Variants in NOXRED1 observed in about 807,000 individuals in gnomAD.
NOXRED1 encodes the protein NADP-dependent oxidoreductase domain-containing protein 1.
In NOXRED1, 20 loss-of-function variants were observed where a neutral mutation model predicts 30.4. The observed-to-expected ratio is 0.66, with a 90% CI of 0.46 to 0.96. NOXRED1 has a LOEUF of 0.96. NOXRED1 is among the 40% of genes least tolerant of loss of function. NOXRED1 has a pLI of 0.00. For synonymous variants in NOXRED1, 155 were observed against 168.0 expected (o/e 0.92, Z 0.60); for missense variants, 374 against 428.0 (o/e 0.87, Z 1.11).
intron 2 of NOXRED1, among the ~76,000 whole-genome samples, chr14:77,409,274 G>A (rs998456738): frequency 6.6e-6 from 1 of 152,122 alleles, no homozygotes; most frequent in African/African-American, 2.4e-5. Flanking sequence ...GTTGAGGGAG[G>A]GACCTGGTGT....
At chr14:77,404,615 G>A (rs1263914780) in intron 5 of NOXRED1, among the ~76,000 whole-genome samples, 1 of 151,988 alleles carries the variant, frequency 6.6e-6, no homozygotes, top group Non-Finnish European at 1.5e-5. Context: ...AGTATAGAAT[G>A]AAAAGAAGTA....
intron 2 of NOXRED1, among the ~76,000 whole-genome samples, chr14:77,413,257 TGAGAC>T (rs1343651646): frequency 6.6e-6 from 1 of 151,066 alleles, no homozygotes; most frequent in Non-Finnish European, 1.5e-5. Flanking sequence ...TTTTTTTTTT[TGAGAC>T]GGAGTCTTAC....
chr14:77,413,602 G>C (rs1163634812), intron 2 of NOXRED1, among the ~76,000 whole-genome samples: 1 of 152,014 alleles, frequency 6.6e-6, no homozygotes, highest in Non-Finnish European at 1.5e-5. Flanking sequence ...GCAAATGCCT[G>C]GAACTGTTTA....
chr14:77,396,643 C>T (rs1894196009), intron 5 of NOXRED1, among the ~76,000 whole-genome samples: 1 of 152,094 alleles, frequency 6.6e-6, no homozygotes, highest in Admixed American at 6.6e-5. Flanking sequence ...TATTTATATA[C>T]AATAGTGATA....
intron 5 of NOXRED1, among the ~76,000 whole-genome samples, chr14:77,399,501 A>G (rs1894269887): frequency 6.6e-6 from 1 of 152,226 alleles, no homozygotes. Flanking sequence ...TGGATAAAGT[A>G]GACGGCAGAC....
upstream of NOXRED1, among the ~76,000 whole-genome samples, chr14:77,423,799 CCTT>C (rs989322754): frequency 1.8e-4 from 28 of 152,284 alleles, no homozygotes; most frequent in South Asian, 8.3e-4. Flanking sequence ...GTTTACAACT[CCTT>C]CTTTTTGTGT....
intron 1 of NOXRED1, among the ~76,000 whole-genome samples, chr14:77,419,437 T>C (rs1204951213): frequency 1.4e-5 from 2 of 146,032 alleles, no homozygotes; most frequent in Non-Finnish European, 3.0e-5. Context: ...GTTTTTTTTT[T>C]TCTTTTTCCT....
intron 1 of NOXRED1, among the ~76,000 whole-genome samples, chr14:77,421,778 C>T (rs1894999328): frequency 6.6e-6 from 1 of 152,164 alleles, no homozygotes; most frequent in Non-Finnish European, 1.5e-5. Flanking sequence ...TTCTGTATTT[C>T]TGTAAAAACC....
rs1894131438 is a variant in NOXRED1, at chr14:77,394,622, T to C, written c.*9A>G. The C allele has an allele frequency of 1.2e-6, 2 of 1,604,504 alleles. No individual in the cohort carries two copies. Among genetic ancestry groups the C allele is most frequent in the Non-Finnish European group, 1.7e-6 (2 of 1,174,108 alleles). The stretch of plus-strand genomic sequence containing the variant: ...GTGAGTGGGAAAAAATCCTGATTCC[T>C]GAGTTCTCTTATTGGGATGGAAAGC... On this transcript the variant is annotated 3_prime_UTR_variant, in exon 6 of 6. Coordinates refer to ENST00000380835, the MANE Select transcript of NOXRED1 (RefSeq NM_001113475.3).
chr14:77,405,762 G>C (rs1408547293), intron 5 of NOXRED1, 151 bp downstream of exon 5: 1 of 604,942 alleles, frequency 1.7e-6, no homozygotes, highest in Non-Finnish European at 2.9e-6. Context: ...GCAAAGGATG[G>C]CATTTACTTT....
intron 1 of NOXRED1, among the ~76,000 whole-genome samples, chr14:77,414,834 TTTTG>T (rs1444055374): frequency 6.6e-6 from 1 of 152,106 alleles, no homozygotes; most frequent in Non-Finnish European, 1.5e-5. Flanking sequence ...TCCCCTCATG[TTTTG>T]TTTGTTTCTG....
At chr14:77,401,660 C>T (rs891504717) in intron 5 of NOXRED1, among the ~76,000 whole-genome samples, 1 of 152,120 alleles carries the variant, frequency 6.6e-6, no homozygotes, top group South Asian at 2.1e-4. Flanking sequence ...GAGCCATGAT[C>T]GTGCCACTGC....
At chr14:77,406,978 C>T (rs760152673) in intron 3 of NOXRED1, 103 bp from the exon 4 acceptor site, 1 of 1,000,022 alleles carries the variant, frequency 1.0e-6, no homozygotes, top group African/African-American at 1.6e-5. Flanking sequence ...CTCCCCCACA[C>T]AGCTCAGAGA....
At chr14:77,404,572 A>G (rs1276840329) in intron 5 of NOXRED1, among the ~76,000 whole-genome samples, 1 of 152,202 alleles carries the variant, frequency 6.6e-6, no homozygotes, top group Non-Finnish European at 1.5e-5. Flanking sequence ...TGGGAACCTA[A>G]GTCCCCAAAG....
At position 77,412,737 on chromosome 14, in the gene NOXRED1, T is replaced by C. The variant is rs753891207; in HGVS notation, c.349+1197A>G. Among the ~76,000 whole-genome samples the C allele has an allele frequency of 6.6e-5, 10 of 152,262 alleles. No homozygotes were observed. The East Asian group carries it at 1.4e-3, about 21-fold the overall frequency. ...CATGTTGGCCAGGCTGGTCTCAAAC[T>C]CCTGACCTCAGGTGATCTGCCCACC... is the stretch of plus-strand genomic sequence containing the variant. On this transcript the variant is annotated intron_variant, in intron 2 of 5. Transcript: ENST00000380835.
At chr14:77,422,026 T>C (rs980779620) in intron 1 of NOXRED1, among the ~76,000 whole-genome samples, 1 of 152,216 alleles carries the variant, frequency 6.6e-6, no homozygotes, top group African/African-American at 2.4e-5. Flanking sequence ...TCCTTGGACA[T>C]GTGCTGTATC....
chr14:77,410,351 T>A (rs1326829415), intron 2 of NOXRED1, among the ~76,000 whole-genome samples: 1 of 152,038 alleles, frequency 6.6e-6, no homozygotes, highest in East Asian at 1.9e-4. Context: ...CACACCTATA[T>A]CCCAGCACTT....
At chr14:77,410,312 T>G (rs192682260) in intron 2 of NOXRED1, among the ~76,000 whole-genome samples, 2 of 151,912 alleles carry the variant, frequency 1.3e-5, no homozygotes, top group East Asian at 3.9e-4. Context: ...TACAAATCAA[T>G]AAGAAAAATA....
intron 1 of NOXRED1, among the ~76,000 whole-genome samples, chr14:77,417,515 A>G (rs1037760368): frequency 2.0e-5 from 3 of 152,230 alleles, no homozygotes; most frequent in Non-Finnish European, 4.4e-5. Context: ...TCTTTTTATC[A>G]TCATGTCATT....
Sources: allele counts gnomAD v4.1 joint callset (sites outside exome capture counted in the v4.1 genomes callset), GRCh38; gene constraint gnomAD v4.1.1; transcripts MANE v1.5; gene names NCBI Gene and HGNC (gene_info 2026-07-23, HGNC 2026-07-21).